The following CFDP1 variants were observed in gnomAD, a reference collection of about 807,000 sequenced individuals.
CFDP1 encodes heterochromatin-stabilizing protein CFDP1.
CFDP1 carries 31 observed loss-of-function variants against 40.1 expected under a neutral mutation model. That is an observed-to-expected ratio of 0.77 (90% confidence interval 0.58 to 1.04). The LOEUF is 1.04. Ranked by LOEUF, CFDP1 falls within the 50% of genes least tolerant of loss-of-function variation. The probability of loss-of-function intolerance (pLI) is 0.00; values close to 1 mark genes in which losing one functional copy is unlikely to be tolerated. For synonymous variants in CFDP1, 167 were observed against 120.0 expected, an observed-to-expected ratio of 1.39 and a Z score of -2.56; for missense variants, 423 against 343.4, an observed-to-expected ratio of 1.23 and a Z score of -1.83.
At chr16:75,391,555 G>C (rs1208506284) in intron 5 of CFDP1, 1 of 152,208 alleles carries the variant, frequency 6.6e-6, no homozygotes, top group East Asian at 1.9e-4. Flanking sequence ...ATTATACATA[G>C]TAAGGGTAAA....
intron 5 of CFDP1, 140 bp downstream of exon 5, chr16:75,394,950 T>C (rs1229251764): frequency 9.4e-7 from 1 of 1,064,568 alleles, no homozygotes; most frequent in African/African-American, 1.6e-5. Context: ...TCCATTCTGG[T>C]AAATATTGCA....
chr16:75,414,364 T>C (rs1368646221), intron 2 of CFDP1, among the ~76,000 whole-genome samples: 3 of 152,210 alleles, frequency 2.0e-5, no homozygotes, highest in Admixed American at 6.5e-5. Flanking sequence ...TATGTACATA[T>C]TACCTATTAA....
chr16:75,333,328 T>G (rs1377780016), intron 5 of CFDP1, among the ~76,000 whole-genome samples: 1 of 151,306 alleles, frequency 6.6e-6, no homozygotes, highest in African/African-American at 2.4e-5. Flanking sequence ...TTTCACCGTG[T>G]TAGCCAGGAT....
At chr16:75,416,905 C>CA (rs1432765684) in intron 1 of CFDP1, among the ~76,000 whole-genome samples, 4 of 152,132 alleles carry the variant, frequency 2.6e-5, no homozygotes, top group Non-Finnish European at 5.9e-5. Context: ...GGCTAAGTGA[C>CA]AGTGTTTCAT....
chr16:75,362,536 A>G (rs925275930), intron 5 of CFDP1, among the ~76,000 whole-genome samples: 1 of 152,226 alleles, frequency 6.6e-6, no homozygotes, highest in Non-Finnish European at 1.5e-5. Context: ...TTTGGTTTGG[A>G]AAATATGCTC....
chr16:75,365,623 GGGAGGATCACTTGAGGCCA>G (rs1359624933), intron 5 of CFDP1, among the ~76,000 whole-genome samples: 1 of 152,146 alleles, frequency 6.6e-6, no homozygotes, highest in African/African-American at 2.4e-5. Context: ...AGGCTAGGGT[GGGAGGATCACTTGAGGCCA>G]GGAGGATCAC....
At position 75,376,442 on chromosome 16, in the gene CFDP1, C is replaced by G. The variant is rs775638149; in HGVS notation, c.650+18648G>C. ...TGATATACACAGCAACATGATAAGT[C>G]TCAAATACATGTTCTTTCACTGTAG... is the stretch of plus-strand genomic sequence containing the variant. On this transcript the variant is annotated intron_variant, in intron 5 of 6. Coordinates refer to ENST00000283882, the MANE Select transcript of CFDP1 (RefSeq NM_006324.3). Among the ~76,000 whole-genome samples the G allele has an allele frequency of 1.1e-4, 17 of 152,228 alleles. No homozygotes were observed. The South Asian group carries it at 2.1e-3, about 19-fold the overall frequency.
intron 5 of CFDP1, among the ~76,000 whole-genome samples, chr16:75,338,225 G>A (rs955198886): frequency 4.6e-5 from 7 of 152,186 alleles, no homozygotes; most frequent in African/African-American, 1.7e-4. Flanking sequence ...TCACTCTTGG[G>A]GAATGTGAAG....
chr16:75,431,532 C>T (rs1157747155), intron 1 of CFDP1, among the ~76,000 whole-genome samples: 2 of 150,270 alleles, frequency 1.3e-5, no homozygotes, highest in Middle Eastern at 3.2e-3. Flanking sequence ...ATCCCACCTA[C>T]TTAGGAGGCT....
At chr16:75,332,349 C>T (rs371034735) in intron 5 of CFDP1, among the ~76,000 whole-genome samples, 8 of 152,080 alleles carry the variant, frequency 5.3e-5, no homozygotes, top group Non-Finnish European at 8.8e-5. Flanking sequence ...CCTATAATCC[C>T]AGCTACTCAG....
intron 5 of CFDP1, among the ~76,000 whole-genome samples, chr16:75,374,509 C>A (rs1392695119): frequency 6.6e-6 from 1 of 151,490 alleles, no homozygotes; most frequent in Non-Finnish European, 1.5e-5. Context: ...AGGTCTAGGA[C>A]AGAGCTGTCA....
intron 5 of CFDP1, among the ~76,000 whole-genome samples, chr16:75,335,808 G>A (rs1027326972): frequency 3.9e-5 from 6 of 151,942 alleles, no homozygotes; most frequent in Admixed American, 1.3e-4. Flanking sequence ...CGCCCGCCTC[G>A]GCCTCCCAAA....
chr16:75,395,383 G>A (rs889148078), intron 4 of CFDP1, among the ~76,000 whole-genome samples, 174 bp from the exon 5 acceptor site: 9 of 152,152 alleles, frequency 5.9e-5, no homozygotes, highest in Non-Finnish European at 1.2e-4. Context: ...TTGCCCAGCC[G>A]GGCGTGGTGA....
intron 5 of CFDP1, among the ~76,000 whole-genome samples, chr16:75,308,588 C>T (rs983107313): frequency 5.3e-5 from 8 of 152,174 alleles, no homozygotes; most frequent in African/African-American, 1.7e-4. Flanking sequence ...GATTACAGAA[C>T]CAATTCATGG....
In CFDP1 at chr16:75,433,421, G is replaced by T; in HGVS notation, c.-69C>A. ...GCCGCCTCCAACGGCAAAGCTCTAG[G>T]GAGAGACCATAGAGCCCCGGCGGCG... On this transcript the variant is annotated 5_prime_UTR_variant, in exon 1 of 7. Coordinates refer to ENST00000283882, the MANE Select transcript of CFDP1 (RefSeq NM_006324.3). The T allele has an allele frequency of 6.7e-7, 1 of 1,488,170 alleles. No homozygotes were observed. The highest frequency in any genetic ancestry group is 1.2e-5 in the South Asian group (1 of 83,652). 92.2% of individuals were successfully genotyped at this position (1,488,170 alleles called of 1,614,324 possible).
At chr16:75,330,044 T>G (rs948691119) in intron 5 of CFDP1, among the ~76,000 whole-genome samples, 2 of 152,326 alleles carry the variant, frequency 1.3e-5, no homozygotes, top group East Asian at 1.9e-4. Flanking sequence ...ATGCAAACTC[T>G]AGGGTTACTT....
chr16:75,424,886 AG>A (rs2079319181), intron 1 of CFDP1, among the ~76,000 whole-genome samples: 1 of 152,214 alleles, frequency 6.6e-6, no homozygotes, highest in African/African-American at 2.4e-5. Flanking sequence ...CATATTGGAA[AG>A]GAAGAAATAA....
chr16:75,317,946 C>T (rs553107009), intron 5 of CFDP1, among the ~76,000 whole-genome samples: 8 of 152,024 alleles, frequency 5.3e-5, no homozygotes, highest in Admixed American at 3.9e-4. Flanking sequence ...CCCCACCCCC[C>T]ATCTCTACTA....
At chr16:75,388,360 G>C (rs1032287328) in intron 5 of CFDP1, among the ~76,000 whole-genome samples, 22 of 152,338 alleles carry the variant, frequency 1.4e-4, no homozygotes, top group African/African-American at 5.3e-4. Flanking sequence ...TGAGAAGATA[G>C]TATGTTTGGT....
Sources: gnomAD v4.1 joint callset for allele counts (sites outside exome capture counted in the v4.1 genomes callset) on GRCh38, gnomAD v4.1.1 for gene constraint, MANE v1.5 for transcripts, NCBI Gene and HGNC (gene_info 2026-07-23, HGNC 2026-07-21) for gene names.